ZBTB20: variants seen among roughly 807,000 people sequenced by gnomAD.
ZBTB20 encodes zinc finger and BTB domain containing 20.
ZBTB20 carries 9 observed loss-of-function variants against 56.9 expected under a neutral mutation model. That is an observed-to-expected ratio of 0.16 (90% CI 0.10 to 0.28). ZBTB20 has a LOEUF of 0.28. ZBTB20 is among the 10% of genes least tolerant of loss of function. The pLI, the probability that ZBTB20 is intolerant of heterozygous loss-of-function variation, is 1.00. For missense variants in ZBTB20, 655 were observed against 1,003.0 expected (o/e 0.65, Z 4.69); for synonymous variants, 417 against 420.7 (o/e 0.99, Z 0.11).
At position 114,683,931 on chromosome 3, in the gene ZBTB20, G is replaced by A. The variant is rs551345980; in HGVS notation, c.-295+9597C>T. Among the ~76,000 whole-genome samples, 3 of 152,226 alleles carry A rather than the reference G, an allele frequency of 2.0e-5. No individual in the cohort carries two copies. In the South Asian group the frequency reaches 6.2e-4, roughly 32 times the overall value. On this transcript the variant is annotated intron_variant, in intron 6 of 11. Coordinates refer to ENST00000675478, the MANE Select transcript of ZBTB20 (RefSeq NM_001348800.3). ...AAGCCTGTAAAGACTTGGGGTGGGG[G>A]GCAGTGGTGTATAATATACTGTGTA...
intron 2 of ZBTB20, among the ~76,000 whole-genome samples, chr3:115,035,542 CAA>C (rs1323046159): frequency 4.1e-5 from 6 of 147,578 alleles, no homozygotes; most frequent in Non-Finnish European, 5.9e-5. Context: ...TTGCTACTAT[CAA>C]ACACACACAC....
At chr3:114,780,245 A>G (rs1297739329) in intron 5 of ZBTB20, among the ~76,000 whole-genome samples, 2 of 152,234 alleles carry the variant, frequency 1.3e-5, no homozygotes, top group Non-Finnish European at 2.9e-5. Flanking sequence ...CATTTTACAG[A>G]TGAAGAAACA....
At chr3:115,014,667 A>G (rs995770931) in intron 2 of ZBTB20, among the ~76,000 whole-genome samples, 1 of 151,576 alleles carries the variant, frequency 6.6e-6, no homozygotes, top group Admixed American at 6.6e-5. Context: ...GTAGCGATGA[A>G]CCAAAAAGTG....
chr3:114,754,476 T>G (rs2067850564), intron 5 of ZBTB20, among the ~76,000 whole-genome samples: 1 of 152,166 alleles, frequency 6.6e-6, no homozygotes, highest in Non-Finnish European at 1.5e-5. Flanking sequence ...TAGGGTCCTA[T>G]TCTATAAAAT....
At position 114,337,905 on chromosome 3, in the gene ZBTB20, CTTTT is replaced by C. The variant is rs958209855; in HGVS notation, c.*1096_*1099del. 2.7e-5 allele frequency: 4 copies of C among 150,168 alleles called. No homozygotes were observed. The highest frequency in any genetic ancestry group is 2.1e-4 in the South Asian group (1 of 4,764). The allele number at this position is 150,168 out of a possible 1,614,324, so 9.3% of individuals were successfully genotyped here. ...AAAAAAATTACTTTTAACAATTTCA[CTTTT>C]TTTGTTTTTTTTTTTACACAAATAC... On this transcript the variant is annotated 3_prime_UTR_variant, in exon 12 of 12. Coordinates refer to ENST00000675478, the MANE Select transcript of ZBTB20 (RefSeq NM_001348800.3).
intron 3 of ZBTB20, among the ~76,000 whole-genome samples, chr3:114,943,817 G>A (rs2076799710): frequency 7.0e-6 from 1 of 141,890 alleles, no homozygotes; most frequent in African/African-American, 3.0e-5. Context: ...AGCAATAATG[G>A]CCAAGAATTT....
At chr3:114,913,368 G>A (rs914623043) in intron 3 of ZBTB20, among the ~76,000 whole-genome samples, 3 of 151,874 alleles carry the variant, frequency 2.0e-5, no homozygotes, top group Admixed American at 6.6e-5. Context: ...ACCAGTTTGC[G>A]ATTTGTATGT....
intron 6 of ZBTB20, among the ~76,000 whole-genome samples, chr3:114,611,358 A>G (rs1272882268): frequency 6.6e-6 from 1 of 152,202 alleles, no homozygotes; most frequent in African/African-American, 2.4e-5. Flanking sequence ...AGTCTTGCAT[A>G]TCAGAAACTC....
chr3:114,839,384 G>A (rs2074265391), intron 4 of ZBTB20, among the ~76,000 whole-genome samples: 1 of 125,286 alleles, frequency 8.0e-6, no homozygotes, highest in South Asian at 2.4e-4. Context: ...CTGCAGCCTG[G>A]GTGACAGAGT....
intron 5 of ZBTB20, among the ~76,000 whole-genome samples, chr3:114,761,157 A>G (rs942314328): frequency 6.6e-6 from 1 of 152,172 alleles, no homozygotes; most frequent in Non-Finnish European, 1.5e-5. Context: ...CCATTTAAAG[A>G]ATTTACAAAG....
chr3:114,639,658 A>G (rs1226096348), intron 6 of ZBTB20, among the ~76,000 whole-genome samples: 1 of 152,038 alleles, frequency 6.6e-6, no homozygotes, highest in South Asian at 2.1e-4. Context: ...TAGGTGGATG[A>G]TAAGTAATCT....
At chr3:114,666,412 A>G (rs901627321) in intron 6 of ZBTB20, among the ~76,000 whole-genome samples, 1 of 151,992 alleles carries the variant, frequency 6.6e-6, no homozygotes, top group Non-Finnish European at 1.5e-5. Flanking sequence ...AAGTTTGCCT[A>G]TTTCCTCTGA....
intron 1 of ZBTB20, among the ~76,000 whole-genome samples, chr3:115,139,447 A>C (rs2084748214): frequency 6.6e-6 from 1 of 152,084 alleles, no homozygotes; most frequent in Non-Finnish European, 1.5e-5. Context: ...ATATTTGCAA[A>C]GTCTTTTCTA....
intron 2 of ZBTB20, among the ~76,000 whole-genome samples, chr3:115,017,161 G>A (rs1206267413): frequency 6.6e-6 from 1 of 151,686 alleles, no homozygotes; most frequent in African/African-American, 2.4e-5. Context: ...ACCTTCTTAA[G>A]CTGATAAGCA....
At chr3:114,919,195 G>A (rs915222237) in intron 3 of ZBTB20, among the ~76,000 whole-genome samples, 26 of 152,132 alleles carry the variant, frequency 1.7e-4, no homozygotes, top group African/African-American at 5.3e-4. Context: ...TAAAGTGGGG[G>A]CCTGGGGGAA....
intron 5 of ZBTB20, among the ~76,000 whole-genome samples, chr3:114,734,286 C>T (rs1450900619): frequency 6.6e-6 from 1 of 151,812 alleles, no homozygotes; most frequent in African/African-American, 2.4e-5. Context: ...TTAAAAAACA[C>T]TGGAGACCAA....
chr3:114,811,875 G>C (rs556756664), intron 4 of ZBTB20, among the ~76,000 whole-genome samples: 119 of 152,214 alleles, frequency 7.8e-4, no homozygotes, highest in Non-Finnish European at 1.6e-3. Flanking sequence ...GAATTGGTGG[G>C]TTCTTGGTCT....
At chr3:114,623,502 G>A (rs1291956013) in intron 6 of ZBTB20, among the ~76,000 whole-genome samples, 1 of 152,116 alleles carries the variant, frequency 6.6e-6, no homozygotes, top group Admixed American at 6.6e-5. Context: ...GAATGCAGAA[G>A]AATAAAGAAG....
At chr3:114,694,347 A>G (rs1034573583) in intron 5 of ZBTB20, among the ~76,000 whole-genome samples, 3 of 152,100 alleles carry the variant, frequency 2.0e-5, no homozygotes, top group East Asian at 1.9e-4. Flanking sequence ...GCAGCAGTCT[A>G]TCATTCTACA....
Sources: gnomAD v4.1 joint callset for allele counts (sites outside exome capture counted in the v4.1 genomes callset) on GRCh38, gnomAD v4.1.1 for gene constraint, MANE v1.5 for transcripts, NCBI Gene and HGNC (gene_info 2026-07-23, HGNC 2026-07-21) for gene names.